TTLL5: variants seen among roughly 807,000 people sequenced by gnomAD.
TTLL5 encodes the protein tubulin tyrosine ligase like 5, also known as tubulin polyglutamylase TTLL5.
In TTLL5, 132 loss-of-function variants were observed where a neutral mutation model predicts 168.4. The observed-to-expected ratio is 0.78, with a 90% CI of 0.68 to 0.91. The LOEUF is 0.91. Ranked by LOEUF, TTLL5 falls within the 40% of genes least tolerant of loss-of-function variation. TTLL5 has a pLI of 0.00. For synonymous variants in TTLL5, 546 were observed against 558.6 expected, an observed-to-expected ratio of 0.98 and a Z score of 0.32; for missense variants, 1,545 against 1,581.5, an observed-to-expected ratio of 0.98 and a Z score of 0.39.
intron 15 of TTLL5, among the ~76,000 whole-genome samples, chr14:75,739,068 A>T (rs947744062): frequency 1.3e-5 from 2 of 152,082 alleles, no homozygotes; most frequent in Admixed American, 6.6e-5. Flanking sequence ...CGGCCCTCCC[A>T]AAGTGCTGGG....
At chr14:75,764,922 C>A in intron 19 of TTLL5, 150 bp downstream of exon 19, 1 of 916,092 alleles carries the variant, frequency 1.1e-6, no homozygotes, top group Non-Finnish European at 1.6e-6. Flanking sequence ...TTAATTTCAA[C>A]AAAGTCTTAA....
intron 13 of TTLL5, among the ~76,000 whole-genome samples, chr14:75,732,847 C>T (rs1164812705): frequency 6.6e-6 from 1 of 152,154 alleles, no homozygotes; most frequent in Non-Finnish European, 1.5e-5. Flanking sequence ...TCCTTTTACC[C>T]TGTCTCATGT....
intron 3 of TTLL5, among the ~76,000 whole-genome samples, chr14:75,670,097 CT>C (rs923007280): frequency 6.6e-6 from 1 of 152,040 alleles, no homozygotes; most frequent in African/African-American, 2.4e-5. Context: ...TCCTTTATTC[CT>C]TTTTATAGCT....
intron 28 of TTLL5, among the ~76,000 whole-genome samples, chr14:75,840,983 G>C: frequency 6.6e-6 from 1 of 152,186 alleles, no homozygotes; most frequent in Non-Finnish European, 1.5e-5. Context: ...AGGTGAAGGG[G>C]AGCAGGTATG....
At chr14:75,883,388 A>G (rs975824772) in intron 30 of TTLL5, among the ~76,000 whole-genome samples, 2 of 152,242 alleles carry the variant, frequency 1.3e-5, no homozygotes, top group African/African-American at 2.4e-5. Context: ...CCTTCACTGT[A>G]TCTCCAGCCA....
chr14:75,702,129 C>G (rs1011739699), intron 7 of TTLL5, among the ~76,000 whole-genome samples: 1 of 152,214 alleles, frequency 6.6e-6, no homozygotes, highest in Non-Finnish European at 1.5e-5. Flanking sequence ...CCCTTCATGC[C>G]AAAGAAATAT....
intron 31 of TTLL5, among the ~76,000 whole-genome samples, chr14:75,914,699 C>A (rs1238542627): frequency 1.3e-5 from 2 of 148,528 alleles, no homozygotes; most frequent in Non-Finnish European, 3.0e-5. Context: ...TCTCGGCTCA[C>A]TGCAAGCTCC....
chr14:75,689,221 C>T (rs967194695), intron 5 of TTLL5, among the ~76,000 whole-genome samples: 1 of 152,154 alleles, frequency 6.6e-6, no homozygotes, highest in East Asian at 1.9e-4. Flanking sequence ...AGTGATGAGC[C>T]ATCTGGAAGT....
chr14:75,879,817 C>A (rs2031705049), intron 29 of TTLL5, among the ~76,000 whole-genome samples: 1 of 152,184 alleles, frequency 6.6e-6, no homozygotes, highest in Admixed American at 6.5e-5. Context: ...ACAGTTAATT[C>A]CTTCTTTAGC....
At chr14:75,819,984 TA>T (rs769325581) in intron 27 of TTLL5, 22 bp from the exon 28 acceptor site, 2 of 1,580,760 alleles carry the variant, frequency 1.3e-6, no homozygotes, top group Admixed American at 3.7e-5. Context: ...AAAGTCAGGT[TA>T]TTTCCCTCGC....
At chr14:75,769,008 T>C (rs1254054981) in intron 20 of TTLL5, among the ~76,000 whole-genome samples, 1 of 152,164 alleles carries the variant, frequency 6.6e-6, no homozygotes, top group Admixed American at 6.5e-5. Context: ...TAGACAAGTG[T>C]TTTTTCAAAC....
chr14:75,674,623 A>G (rs984464831), intron 3 of TTLL5, among the ~76,000 whole-genome samples: 2 of 152,140 alleles, frequency 1.3e-5, no homozygotes, highest in Non-Finnish European at 2.9e-5. Context: ...TGTACTTTAA[A>G]TGTGTAAATG....
rs142680892 is a variant in TTLL5, at chr14:75,826,024, A to G, written c.3326+5863A>G. On this transcript the variant is annotated intron_variant, in intron 28 of 31. Transcript: ENST00000298832. The stretch of plus-strand genomic sequence containing the variant: ...CAAAAGTGATTGGCTTCTGCCTAAT[A>G]AAGGAACGTTGGGAAGCTTAGGAAA... Among the ~76,000 whole-genome samples, 502 of 151,824 alleles carry G rather than the reference A, an allele frequency of 3.3e-3. 4 individuals carry two copies. Among genetic ancestry groups the G allele is most frequent in the African/African-American group, 0.011 (468 of 41,400 alleles).
intron 27 of TTLL5, among the ~76,000 whole-genome samples, chr14:75,798,788 G>T (rs1387480529): frequency 6.6e-6 from 1 of 151,990 alleles, no homozygotes; most frequent in Non-Finnish European, 1.5e-5. Context: ...GTTCCTTTTG[G>T]AGTTGATTTC....
chr14:75,783,683 G>T (rs1892193014), intron 26 of TTLL5, among the ~76,000 whole-genome samples, 153 bp downstream of exon 26: 1 of 152,148 alleles, frequency 6.6e-6, no homozygotes, highest in Admixed American at 6.5e-5. Context: ...GAAGACTTTT[G>T]CATTGCATCC....
At chr14:75,745,619 G>T in intron 17 of TTLL5, 38 bp downstream of exon 17, 1 of 1,546,426 alleles carries the variant, frequency 6.5e-7, no homozygotes, top group South Asian at 1.1e-5. Context: ...CTTTACCTGA[G>T]GTCCATAGAA....
chr14:75,941,220 G>A (rs952040119), intron 31 of TTLL5, among the ~76,000 whole-genome samples: 7 of 152,188 alleles, frequency 4.6e-5, no homozygotes, highest in Non-Finnish European at 7.4e-5. Context: ...AGCTGTGCCC[G>A]GCGCCTTTGT....
chr14:75,773,957 A>AGAAAGAGAGAAAGAG (rs1891536422), intron 21 of TTLL5, among the ~76,000 whole-genome samples: 1 of 43,384 alleles, frequency 2.3e-5, no homozygotes, highest in Non-Finnish European at 4.3e-5. Flanking sequence ...GAGAGAGAGA[A>AGAAAGAGAGAAAGAG]AGAGAGAGAG....
At position 75,707,019 on chromosome 14, in the gene TTLL5, C is replaced by T. The variant is rs764458985; in HGVS notation, c.587C>T (p.Pro196Leu). 1.3e-5 allele frequency: 21 copies of T among 1,607,944 alleles called. No homozygotes were observed. In the East Asian group the frequency reaches 4.5e-4, roughly 34 times the overall value. ...RGRGVYLINN[P>L]NQISLEENIL... ...TCATTCTTTCTCTTTACTCAATAGCCAAACCAGATCTCCCTGGAAGAGAAC... is the reference window on the plus strand; with the variant it reads ...TCATTCTTTCTCTTTACTCAATAGCTAAACCAGATCTCCCTGGAAGAGAAC... The change falls in exon 8 of 32, where the codon CCA (proline) becomes CTA (leucine). Residue 196 changes from proline (P) to leucine (L), a missense_variant and splice_region_variant. Transcript: ENST00000298832.
Sources: gnomAD v4.1 joint callset for allele counts (sites outside exome capture counted in the v4.1 genomes callset) on GRCh38, gnomAD v4.1.1 for gene constraint, MANE v1.5 for transcripts, NCBI Gene and HGNC (gene_info 2026-07-23, HGNC 2026-07-21) for gene names.